The following FTCDNL1 variants were observed in gnomAD, a reference collection of about 807,000 sequenced individuals.
The protein encoded by FTCDNL1 is formiminotransferase cyclodeaminase N-terminal like.
A neutral mutation model predicts 5.9 loss-of-function variants in FTCDNL1; 11 were observed. The observed-to-expected ratio is 1.87, with a 90% CI of 1.18 to 3.10. The LOEUF (loss-of-function observed/expected upper bound fraction) is 3.10, where lower values mean the gene tolerates loss of function less well. Among genes scored for constraint, FTCDNL1 ranks in the 30% most tolerant of loss-of-function variants. FTCDNL1 has a pLI of 0.00. For missense variants in FTCDNL1, 115 were observed against 65.5 expected (o/e 1.76, Z -2.61); for synonymous variants, 58 against 24.8 (o/e 2.34, Z -3.99).
chr2:199,702,832 G>A, the FTCDNL1 span, among the ~76,000 whole-genome samples: 2 of 152,140 alleles, frequency 1.3e-5, no homozygotes, highest in South Asian at 4.2e-4. Context: ...AAAGTAAAAC[G>A]AAGTGAGGAC....
chr2:199,711,691 G>A, the FTCDNL1 span, among the ~76,000 whole-genome samples: 1 of 152,098 alleles, frequency 6.6e-6, no homozygotes, highest in Non-Finnish European at 1.5e-5. Context: ...CTTTTAAAGG[G>A]ACTGTTGAAA....
At chr2:199,716,247 A>G in the FTCDNL1 span, among the ~76,000 whole-genome samples, 1 of 152,126 alleles carries the variant, frequency 6.6e-6, no homozygotes, top group Non-Finnish European at 1.5e-5. Context: ...GCAAATGATA[A>G]TCTAGAAACT....
the FTCDNL1 span, among the ~76,000 whole-genome samples, chr2:199,715,779 G>A: frequency 6.6e-6 from 1 of 152,068 alleles, no homozygotes; most frequent in Non-Finnish European, 1.5e-5. Flanking sequence ...TTGTAAGAGG[G>A]AGAGCCAATG....
chr2:199,693,172 C>T, the FTCDNL1 span, among the ~76,000 whole-genome samples: 1 of 152,154 alleles, frequency 6.6e-6, no homozygotes, highest in Non-Finnish European at 1.5e-5. Flanking sequence ...ACTTCAAGTA[C>T]AAGAATGTAA....
chr2:199,714,678 C>G, the FTCDNL1 span, among the ~76,000 whole-genome samples: 1 of 152,118 alleles, frequency 6.6e-6, no homozygotes, highest in South Asian at 2.1e-4. Context: ...GAGCACTGAG[C>G]AGCCAGCTGT....
At chr2:199,721,392 T>C in the FTCDNL1 span, among the ~76,000 whole-genome samples, 2 of 152,184 alleles carry the variant, frequency 1.3e-5, no homozygotes, top group African/African-American at 4.8e-5. Context: ...GTTCCTGTGT[T>C]AGTTTGTTGA....
At chr2:199,849,627 C>A (rs527269632) in intron 1 of FTCDNL1, among the ~76,000 whole-genome samples, 2 of 152,232 alleles carry the variant, frequency 1.3e-5, no homozygotes, top group East Asian at 3.9e-4. Context: ...TCAATAATAT[C>A]AAAAATGTGA....
chr2:199,789,262 C>G (rs1038578974), intron 3 of FTCDNL1, among the ~76,000 whole-genome samples: 3 of 151,938 alleles, frequency 2.0e-5, no homozygotes, highest in Admixed American at 2.0e-4. Context: ...AGCAAAATCC[C>G]AAAGGAGTAA....
rs140949354 is a variant in FTCDNL1 at position 199,809,599 on chromosome 2, G to A, written c.*3106C>T. 2.0e-5 allele frequency among the ~76,000 whole-genome samples: 3 copies of A among 151,984 alleles called. No individual in the cohort carries two copies. Among genetic ancestry groups the A allele is most frequent in the Non-Finnish European group, 2.9e-5 (2 of 67,970 alleles). On this transcript the variant is annotated 3_prime_UTR_variant, in exon 5 of 5. Coordinates refer to ENST00000420128, the MANE Select transcript of FTCDNL1 (RefSeq NM_001363886.2). ...ATAGCTTCTTTTAGTATACAAAAAG[G>A]CTACAAATTTTCTTTTCTTTCAAAT...
At chr2:199,841,376 A>G (rs1181036762) in intron 3 of FTCDNL1, among the ~76,000 whole-genome samples, 1 of 152,066 alleles carries the variant, frequency 6.6e-6, no homozygotes, top group Non-Finnish European at 1.5e-5. Context: ...ACACAGCGAG[A>G]CTCTGTCTCA....
the FTCDNL1 span, among the ~76,000 whole-genome samples, chr2:199,684,347 G>A: frequency 6.6e-6 from 1 of 152,154 alleles, no homozygotes; most frequent in African/African-American, 2.4e-5. Flanking sequence ...AATTTTTACT[G>A]AAGACAGATG....
chr2:199,679,797 T>C, the FTCDNL1 span, among the ~76,000 whole-genome samples: 1 of 152,164 alleles, frequency 6.6e-6, no homozygotes, highest in Non-Finnish European at 1.5e-5. Flanking sequence ...GCATTTGATA[T>C]GTGGTCTTCA....
the FTCDNL1 span, among the ~76,000 whole-genome samples, chr2:199,691,788 T>C: frequency 6.6e-6 from 1 of 152,180 alleles, no homozygotes; most frequent in Non-Finnish European, 1.5e-5. Flanking sequence ...TCCTCTACAC[T>C]ACAGATGTGC....
At chr2:199,683,835 C>G in the FTCDNL1 span, among the ~76,000 whole-genome samples, 1 of 152,152 alleles carries the variant, frequency 6.6e-6, no homozygotes, top group Non-Finnish European at 1.5e-5. Flanking sequence ...CTCACCTTGT[C>G]TATGTCAGTT....
the FTCDNL1 span, among the ~76,000 whole-genome samples, chr2:199,730,958 G>C: frequency 6.6e-6 from 1 of 152,200 alleles, no homozygotes; most frequent in Non-Finnish European, 1.5e-5. Flanking sequence ...GCCCATCAGT[G>C]ATAGACTGGA....
chr2:199,719,689 C>A, the FTCDNL1 span, among the ~76,000 whole-genome samples: 1 of 151,782 alleles, frequency 6.6e-6, no homozygotes, highest in Non-Finnish European at 1.5e-5. Context: ...GGCTGGAGTG[C>A]TGTGGCACGA....
the FTCDNL1 span, among the ~76,000 whole-genome samples, chr2:199,714,578 C>T: frequency 1.3e-5 from 2 of 152,090 alleles, no homozygotes; most frequent in African/African-American, 2.4e-5. Flanking sequence ...TCATTGCCTA[C>T]GTGTAAATTT....
chr2:199,778,391 C>T (rs933445431), intron 3 of FTCDNL1, among the ~76,000 whole-genome samples: 19 of 152,198 alleles, frequency 1.2e-4, no homozygotes, highest in African/African-American at 3.6e-4. Context: ...AGTGGGATTA[C>T]GCAGAAATCC....
In FTCDNL1 at chr2:199,789,182, C is replaced by A. The variant is rs369711049; in HGVS notation, c.212-28347G>T. Among the ~76,000 whole-genome samples, 22 of 151,984 alleles carry A rather than the reference C, an allele frequency of 1.4e-4. No homozygotes were observed. The East Asian group carries it at 1.9e-3, about 13-fold the overall frequency. On this transcript the variant is annotated intron_variant, in intron 3 of 3. Transcript: ENST00000416668. ...CACCAAAACCTATGAAAGATGGTAA[C>A]ACAAAAATGAAAAAACAAGCCACAG... is the stretch of plus-strand genomic sequence containing the variant.
Sources: allele counts gnomAD v4.1 joint callset (sites outside exome capture counted in the v4.1 genomes callset), GRCh38; gene constraint gnomAD v4.1.1; transcripts MANE v1.5; gene names NCBI Gene and HGNC (gene_info 2026-07-23, HGNC 2026-07-21).